Variants in SYT16 observed in about 807,000 individuals in gnomAD.
SYT16 encodes synaptotagmin-16.
SYT16 carries 42 observed loss-of-function variants against 61.4 expected under a neutral mutation model. The observed-to-expected ratio is 0.68, with a 90% CI of 0.53 to 0.89. SYT16 has a LOEUF of 0.89. Ranked by LOEUF, SYT16 falls within the 40% of genes least tolerant of loss-of-function variation. SYT16 has a pLI of 0.00. For synonymous variants in SYT16, 314 were observed against 302.3 expected, an observed-to-expected ratio of 1.04 and a Z score of -0.40; for missense variants, 804 against 807.3, an observed-to-expected ratio of 1.00 and a Z score of 0.05.
chr14:61,911,553 C>T (rs565038013), intron 1 of SYT16, among the ~76,000 whole-genome samples: 62 of 152,186 alleles, frequency 4.1e-4, no homozygotes, highest in South Asian at 2.1e-3. Flanking sequence ...AGAACCAAGA[C>T]AGATGAAAAA....
chr14:62,065,167 C>G (rs1226194361), intron 3 of SYT16, among the ~76,000 whole-genome samples: 1 of 152,160 alleles, frequency 6.6e-6, no homozygotes, highest in Non-Finnish European at 1.5e-5. Flanking sequence ...GCTCCCTGAA[C>G]CTTACTGTGA....
At chr14:61,955,017 A>G (rs1448801004) in intron 1 of SYT16, among the ~76,000 whole-genome samples, 1 of 152,124 alleles carries the variant, frequency 6.6e-6, no homozygotes, top group Non-Finnish European at 1.5e-5. Context: ...GACCCTTTTA[A>G]TAATGTTTTC....
intron 3 of SYT16, among the ~76,000 whole-genome samples, chr14:62,011,557 G>C (rs2053450753): frequency 6.6e-6 from 1 of 151,972 alleles, no homozygotes; most frequent in Admixed American, 6.6e-5. Flanking sequence ...TGCTACTTCT[G>C]GTGTTTGGGG....
intron 1 of SYT16, among the ~76,000 whole-genome samples, chr14:61,884,392 T>G (rs1274396893): frequency 6.6e-6 from 1 of 152,244 alleles, no homozygotes; most frequent in African/African-American, 2.4e-5. Context: ...TTACGTCGCC[T>G]CCTTTCTTAA....
intron 1 of SYT16, among the ~76,000 whole-genome samples, chr14:61,851,729 G>A (rs1421423416): frequency 6.6e-6 from 1 of 152,132 alleles, no homozygotes; most frequent in Non-Finnish European, 1.5e-5. Context: ...GTCTATTCAT[G>A]TCTTTTGCCC....
chr14:61,961,310 A>G (rs1208834701), intron 1 of SYT16, among the ~76,000 whole-genome samples: 1 of 152,204 alleles, frequency 6.6e-6, no homozygotes, highest in African/African-American at 2.4e-5. Flanking sequence ...AGCAAAGGAA[A>G]CTATCAACAG....
chr14:62,039,382 T>C (rs1345041034), intron 3 of SYT16, among the ~76,000 whole-genome samples: 1 of 152,168 alleles, frequency 6.6e-6, no homozygotes, highest in Non-Finnish European at 1.5e-5. Flanking sequence ...TATAGATTCA[T>C]AAAGTATTCT....
chr14:61,878,702 A>G (rs1305148039), intron 1 of SYT16, among the ~76,000 whole-genome samples: 3 of 152,186 alleles, frequency 2.0e-5, no homozygotes, highest in African/African-American at 7.2e-5. Flanking sequence ...CTCTCTTCCT[A>G]TCACTGCAGA....
At chr14:62,055,158 T>G (rs1440803533) in intron 3 of SYT16, among the ~76,000 whole-genome samples, 2 of 152,188 alleles carry the variant, frequency 1.3e-5, no homozygotes, top group Non-Finnish European at 2.9e-5. Flanking sequence ...AATTTAATTA[T>G]CAGGTCACCT....
At chr14:61,938,272 A>G (rs1310694484) in intron 1 of SYT16, among the ~76,000 whole-genome samples, 1 of 152,130 alleles carries the variant, frequency 6.6e-6, no homozygotes, top group Non-Finnish European at 1.5e-5. Context: ...ACCCTGTGAT[A>G]GACACTGTAT....
At chr14:62,050,376 AT>A (rs1057009752) in intron 3 of SYT16, among the ~76,000 whole-genome samples, 4 of 151,606 alleles carry the variant, frequency 2.6e-5, no homozygotes, top group East Asian at 3.9e-4. Flanking sequence ...CATTCGTCCA[AT>A]TTTTTTTCAA....
At position 62,100,651 on chromosome 14, in the gene SYT16, A is replaced by G. The variant is rs377527020; in HGVS notation, c.1882A>G (p.Met628Val). 9.3e-6 allele frequency: 15 copies of G among 1,613,820 alleles called. No homozygotes were observed. The highest frequency in any genetic ancestry group is 1.3e-5 in the Non-Finnish European group (15 of 1,179,824). ...GGAGGAACAAGATCACTGGGAGGAG[A>G]TGAAGGAAACCAAAGGCCAGCAGAT... ...GEEEQDHWEE[M>V]KETKGQQICR... The change falls in exon 8 of 8, where the codon ATG becomes GTG. Residue 628 changes from methionine (M) to valine (V), a missense_variant. Met to Val is a conservative substitution (Grantham distance 21). Transcript: ENST00000683842.
At chr14:62,047,330 C>G (rs1045146075) in intron 3 of SYT16, among the ~76,000 whole-genome samples, 2 of 152,084 alleles carry the variant, frequency 1.3e-5, no homozygotes, top group Non-Finnish European at 2.9e-5. Flanking sequence ...ATTTTGTATC[C>G]TGAGACTTTG....
chr14:62,069,653 G>A lies in SYT16; in HGVS notation c.574G>A (p.Glu192Lys), dbSNP rs200172983. ...GCTGTCCACATCTTCTGACAGTGAC[G>A]AGGAGGTGATCAAACAATTTGAGAT... Reference protein sequence around the residue: ...EELSTSSDSDEEVIKQFEISV... With the variant: ...EELSTSSDSDKEVIKQFEISV... The change falls in exon 4 of 8, where the codon GAG (glutamate) becomes AAG (lysine). Residue 192 changes from glutamate to lysine, a missense_variant. By Grantham distance (56) the Glu-to-Lys change is moderately conservative. Coordinates refer to ENST00000683842, the MANE Select transcript of SYT16 (RefSeq NM_001367656.1). 60 of 1,613,980 alleles carry A rather than the reference G, an allele frequency of 3.7e-5. 1 individual carries two copies. Among genetic ancestry groups the A allele is most frequent in the Admixed American group, 1.3e-4 (8 of 60,018 alleles).
chr14:61,840,422 A>G (rs2046269271), intron 1 of SYT16, among the ~76,000 whole-genome samples: 1 of 152,168 alleles, frequency 6.6e-6, no homozygotes, highest in South Asian at 2.1e-4. Flanking sequence ...GTTAAGGTGA[A>G]AACTGTGGGG....
At chr14:62,025,891 C>A (rs960508043) in intron 3 of SYT16, among the ~76,000 whole-genome samples, 5 of 151,046 alleles carry the variant, frequency 3.3e-5, no homozygotes, top group African/African-American at 7.3e-5. Flanking sequence ...AAAAAAAAAA[C>A]AATAAAATAT....
At chr14:62,048,673 C>G (rs940103445) in intron 3 of SYT16, among the ~76,000 whole-genome samples, 1 of 151,982 alleles carries the variant, frequency 6.6e-6, no homozygotes, top group Non-Finnish European at 1.5e-5. Flanking sequence ...TCTGGTATGT[C>G]GTGTCTTTGT....
At chr14:61,849,068 G>T (rs1455276611) in intron 1 of SYT16, among the ~76,000 whole-genome samples, 1 of 152,196 alleles carries the variant, frequency 6.6e-6, no homozygotes, top group Non-Finnish European at 1.5e-5. Flanking sequence ...CAAGGCAGCA[G>T]GCTCCCTTCT....
At chr14:61,947,304 GTGTGTGTT>G (rs1322568533) in intron 1 of SYT16, among the ~76,000 whole-genome samples, 7 of 150,460 alleles carry the variant, frequency 4.7e-5, no homozygotes, top group African/African-American at 1.5e-4. Flanking sequence ...GTGTGTGTGT[GTGTGTGTT>G]TGTGTAAAAT....
Sources: gnomAD v4.1 joint callset for allele counts (sites outside exome capture counted in the v4.1 genomes callset) on GRCh38, gnomAD v4.1.1 for gene constraint, MANE v1.5 for transcripts, NCBI Gene and HGNC (gene_info 2026-07-23, HGNC 2026-07-21) for gene names.